Variants in DRC11 observed in about 807,000 individuals in gnomAD.
The protein encoded by DRC11 is dynein regulatory complex subunit 11, also known as IQ and AAA domain-containing protein 1.
the DRC11 span, among the ~76,000 whole-genome samples, chr2:236,499,644 G>T: frequency 6.6e-6 from 1 of 152,254 alleles, no homozygotes; most frequent in South Asian, 2.1e-4. This position sits in a 1 kb window ranked among gnomAD's most constrained non-coding sequence, Gnocchi z 4.7. Flanking sequence ...TGGCCAGGCT[G>T]GTCTCGAACT....
At chr2:236,431,423 T>C in the DRC11 span, among the ~76,000 whole-genome samples, 1 of 152,018 alleles carries the variant, frequency 6.6e-6, no homozygotes, top group Non-Finnish European at 1.5e-5. This position sits in a 1 kb window ranked among gnomAD's most constrained non-coding sequence, Gnocchi z 4.2. Flanking sequence ...CCTTATAAAG[T>C]CATCAAATCT....
the DRC11 span, among the ~76,000 whole-genome samples, chr2:236,312,488 TA>T: frequency 6.6e-6 from 1 of 152,162 alleles, no homozygotes; most frequent in African/African-American, 2.4e-5. Flanking sequence ...AAGTATAGCC[TA>T]AAATGCATAA....
the DRC11 span, among the ~76,000 whole-genome samples, chr2:236,450,611 C>T: frequency 6.6e-6 from 1 of 152,186 alleles, no homozygotes; most frequent in African/African-American, 2.4e-5. Context: ...AGCCACAATG[C>T]CCGGCCTATT....
At chr2:236,452,110 C>G in the DRC11 span, among the ~76,000 whole-genome samples, 1 of 152,214 alleles carries the variant, frequency 6.6e-6, no homozygotes, top group Non-Finnish European at 1.5e-5. This position sits in a 1 kb window ranked among gnomAD's most constrained non-coding sequence, Gnocchi z 4.7. Flanking sequence ...CTTTTATTTG[C>G]AAAAGCTGGA....
the DRC11 span, among the ~76,000 whole-genome samples, chr2:236,426,465 T>C: frequency 6.6e-6 from 1 of 150,448 alleles, no homozygotes; most frequent in African/African-American, 2.5e-5. This position sits in a 1 kb window ranked among gnomAD's most constrained non-coding sequence, Gnocchi z 4.1. Context: ...GAAATGCTAC[T>C]GATCTTTTGT....
At chr2:236,468,913 T>C in the DRC11 span, among the ~76,000 whole-genome samples, 4 of 152,256 alleles carry the variant, frequency 2.6e-5, no homozygotes, top group African/African-American at 7.2e-5. Flanking sequence ...TTCCTGTTGC[T>C]ATTTGAAGAT....
At chr2:236,463,354 C>T in the DRC11 span, among the ~76,000 whole-genome samples, 5 of 152,208 alleles carry the variant, frequency 3.3e-5, no homozygotes, top group Non-Finnish European at 7.3e-5. This position sits in a 1 kb window ranked among gnomAD's most constrained non-coding sequence, Gnocchi z 5.0. Flanking sequence ...TCATCACTAA[C>T]AGTACAGAAT....
chr2:236,491,499 G>A, the DRC11 span, among the ~76,000 whole-genome samples: 1 of 151,580 alleles, frequency 6.6e-6, no homozygotes, highest in African/African-American at 2.4e-5. Context: ...CAAATGAAGA[G>A]GAACAGTGAG....
chr2:236,429,060 G>A, the DRC11 span, among the ~76,000 whole-genome samples: 2 of 152,168 alleles, frequency 1.3e-5, no homozygotes, highest in Admixed American at 1.3e-4. The surrounding 1 kb of genome is among the most constrained non-coding windows in gnomAD (Gnocchi z 5.9). Context: ...AGACTTTATG[G>A]ACTGGCTTTG....
the DRC11 span, among the ~76,000 whole-genome samples, chr2:236,405,580 C>T: frequency 6.2e-3 from 936 of 152,068 alleles, 10 homozygotes; most frequent in African/African-American, 0.021. The surrounding 1 kb of genome is among the most constrained non-coding windows in gnomAD (Gnocchi z 4.6). Context: ...TCTCATCGGC[C>T]TCTCACTTTC....
At chr2:236,338,118 C>A in the DRC11 span, 9 of 1,358,430 alleles carry the variant, frequency 6.6e-6, no homozygotes, top group Non-Finnish European at 9.0e-6. Flanking sequence ...TGGCGCCCAC[C>A]GGGTCCAAGG....
At chr2:236,377,226 C>G in the DRC11 span, 1 of 1,254,106 alleles carries the variant, frequency 8.0e-7, no homozygotes, top group Middle Eastern at 1.9e-4. This position sits in a 1 kb window ranked among gnomAD's most constrained non-coding sequence, Gnocchi z 4.9. Context: ...GGCACACACA[C>G]AGAAATCGGC....
the DRC11 span, among the ~76,000 whole-genome samples, chr2:236,492,471 T>A: frequency 1.8e-4 from 28 of 152,194 alleles, no homozygotes; most frequent in Admixed American, 1.3e-3. Context: ...CTTAACACCA[T>A]CACCCAGGCT....
chr2:236,459,604 T>TATAC, the DRC11 span, among the ~76,000 whole-genome samples: 2 of 134,584 alleles, frequency 1.5e-5, no homozygotes, highest in Admixed American at 1.4e-4. Context: ...CGTATACATA[T>TATAC]ATACGTATAT....
chr2:236,470,786 T>C, the DRC11 span, among the ~76,000 whole-genome samples: 2 of 152,094 alleles, frequency 1.3e-5, no homozygotes, highest in African/African-American at 2.4e-5. This position sits in a 1 kb window ranked among gnomAD's most constrained non-coding sequence, Gnocchi z 5.1. Flanking sequence ...AGTAAAGTTA[T>C]GGTAAATCTT....
chr2:236,433,886 T>C, the DRC11 span, among the ~76,000 whole-genome samples: 1 of 152,352 alleles, frequency 6.6e-6, no homozygotes, highest in East Asian at 1.9e-4. Context: ...ACACTGGGTT[T>C]TGAATTAAGA....
chr2:236,470,743 AGAGC>A, the DRC11 span, among the ~76,000 whole-genome samples: 1 of 152,224 alleles, frequency 6.6e-6, no homozygotes, highest in Non-Finnish European at 1.5e-5. The surrounding 1 kb of genome is among the most constrained non-coding windows in gnomAD (Gnocchi z 5.1). Flanking sequence ...ACAGATAGCT[AGAGC>A]TGATGGTTTG....
chr2:236,352,846 T>C, the DRC11 span, among the ~76,000 whole-genome samples: 134 of 152,278 alleles, frequency 8.8e-4, 1 homozygote, highest in African/African-American at 3.1e-3. The surrounding 1 kb of genome is among the most constrained non-coding windows in gnomAD (Gnocchi z 7.0). Context: ...CTACCCCAAA[T>C]AGTACTTATT....
At chr2:236,379,970 T>C in the DRC11 span, among the ~76,000 whole-genome samples, 224 of 152,392 alleles carry the variant, frequency 1.5e-3, 1 homozygote, top group African/African-American at 4.9e-3. Flanking sequence ...AAAATATACA[T>C]TCAAAATTAC....
Sources: allele counts gnomAD v4.1 joint callset (sites outside exome capture counted in the v4.1 genomes callset), GRCh38; gene constraint gnomAD v4.1.1; non-coding constraint Gnocchi (gnomAD v3.1); transcripts MANE v1.5; gene names NCBI Gene and HGNC (gene_info 2026-07-23, HGNC 2026-07-21).